The following DIP2C variants were observed in gnomAD, a reference collection of about 807,000 sequenced individuals.
DIP2C encodes the protein disco-interacting protein 2 homolog C.
DIP2C carries 33 observed loss-of-function variants against 192.4 expected under a neutral mutation model. The observed-to-expected ratio is 0.17, with a 90% CI of 0.13 to 0.23. DIP2C has a LOEUF of 0.23. DIP2C is among the 10% of genes least tolerant of loss of function. The pLI is 1.00. For missense variants in DIP2C, 1,537 were observed against 2,110.1 expected (o/e 0.73, Z 5.32); for synonymous variants, 979 against 864.1 (o/e 1.13, Z -2.33).
chr10:671,759 G>A (rs1331323729), intron 1 of DIP2C, among the ~76,000 whole-genome samples: 1 of 94,556 alleles, frequency 1.1e-5, no homozygotes, highest in Non-Finnish European at 2.0e-5. Context: ...ACAGACGCAC[G>A]GACGGAGGAA....
At position 536,676 on chromosome 10, in the gene DIP2C, G is replaced by A. The variant is rs567725685; in HGVS notation, c.86-50146C>T. On this transcript the variant is annotated intron_variant, in intron 1 of 36. Coordinates refer to ENST00000280886, the MANE Select transcript of DIP2C (RefSeq NM_014974.3). ...TGGGACTGACTCCCAGTGCTCTGTG[G>A]AGGGGGGGCCATCCTGAGAGGTGCT... 5.3e-3 allele frequency among the ~76,000 whole-genome samples: 802 copies of A among 152,340 alleles called. 8 individuals are homozygous for A. Among genetic ancestry groups the A allele is most frequent in the African/African-American group, 0.018 (751 of 41,578 alleles).
intron 4 of DIP2C, chr10:430,159 T>C (rs996837231): frequency 1.3e-5 from 2 of 152,256 alleles, no homozygotes; most frequent in African/African-American, 4.8e-5. Context: ...CGTCATTTCA[T>C]ATGTCGATTT....
At chr10:550,363 C>T (rs1848521284) in intron 1 of DIP2C, among the ~76,000 whole-genome samples, 1 of 152,154 alleles carries the variant, frequency 6.6e-6, no homozygotes, top group African/African-American at 2.4e-5. Context: ...GTATCAGTTT[C>T]TCATTTGCAC....
intron 2 of DIP2C, among the ~76,000 whole-genome samples, chr10:482,632 A>G (rs886109785): frequency 6.6e-6 from 1 of 152,214 alleles, no homozygotes; most frequent in African/African-American, 2.4e-5. Flanking sequence ...AGACAAACAC[A>G]TAAGAAGTTG....
intron 24 of DIP2C, among the ~76,000 whole-genome samples, chr10:350,216 G>A (rs1025218160): frequency 6.6e-6 from 1 of 151,926 alleles, no homozygotes; most frequent in Non-Finnish European, 1.5e-5. Context: ...CAAGTAGCTG[G>A]GACTACAGGT....
chr10:579,312 C>T (rs550101652), intron 1 of DIP2C, among the ~76,000 whole-genome samples: 5 of 151,822 alleles, frequency 3.3e-5, no homozygotes, highest in South Asian at 2.1e-4. Flanking sequence ...CACATAGGTA[C>T]ACTATAATAC....
At chr10:287,129 G>T (rs1955185622) in intron 33 of DIP2C, among the ~76,000 whole-genome samples, 1 of 151,636 alleles carries the variant, frequency 6.6e-6, no homozygotes, top group Non-Finnish European at 1.5e-5. Flanking sequence ...TTGAGACAGG[G>T]TCTAGTTCTG....
At chr10:458,891 A>G (rs2133369740) in intron 3 of DIP2C, among the ~76,000 whole-genome samples, 1 of 152,228 alleles carries the variant, frequency 6.6e-6, no homozygotes, top group Non-Finnish European at 1.5e-5. Context: ...ACTAGAACAC[A>G]AGTCTATTTC....
At chr10:601,368 T>C (rs79256369) in intron 1 of DIP2C, among the ~76,000 whole-genome samples, 3 of 143,934 alleles carry the variant, frequency 2.1e-5, no homozygotes, top group East Asian at 4.1e-4. Flanking sequence ...GATGTCCAAA[T>C]GCATATGTCA....
intron 5 of DIP2C, among the ~76,000 whole-genome samples, chr10:421,661 T>C (rs772680730): frequency 2.6e-5 from 4 of 152,330 alleles, no homozygotes. Flanking sequence ...TGCATTTGAG[T>C]ATTACTTTAC....
At chr10:438,424 C>T (rs1434127904) in intron 4 of DIP2C, among the ~76,000 whole-genome samples, 7 of 152,142 alleles carry the variant, frequency 4.6e-5, no homozygotes, top group Non-Finnish European at 1.0e-4. Flanking sequence ...ACAAAGAACA[C>T]ATACAAATAA....
chr10:499,484 G>A (rs997764626), intron 1 of DIP2C, among the ~76,000 whole-genome samples: 5 of 152,236 alleles, frequency 3.3e-5, no homozygotes, highest in Non-Finnish European at 7.3e-5. Context: ...AGAAGGCGAA[G>A]GGGAAGCAAA....
chr10:329,875 T>C (rs1329248992), intron 29 of DIP2C, among the ~76,000 whole-genome samples: 2 of 152,206 alleles, frequency 1.3e-5, no homozygotes, highest in African/African-American at 4.8e-5. Context: ...GATGCTGTGA[T>C]GTCTCTCAGA....
At chr10:434,576 G>A (rs1404101664) in intron 4 of DIP2C, among the ~76,000 whole-genome samples, 1 of 152,186 alleles carries the variant, frequency 6.6e-6, no homozygotes, top group African/African-American at 2.4e-5. Context: ...CACAGACTCT[G>A]CTCTTCCTTT....
rs539708856 is a variant in DIP2C at position 297,202 on chromosome 10, C to G, written c.3987-8781G>C. On this transcript the variant is annotated intron_variant, in intron 32 of 36. Coordinates refer to ENST00000280886, the MANE Select transcript of DIP2C (RefSeq NM_014974.3). ...GAGTGAGACTGTCTCAAAAACAAAA[C>G]AAAACAAAACAAAACCAACCCCCCC... Among the ~76,000 whole-genome samples, 4 of 147,700 alleles carry G rather than the reference C, an allele frequency of 2.7e-5. No individual in the cohort carries two copies. In the South Asian group the frequency reaches 6.6e-4, roughly 24 times the overall value.
intron 1 of DIP2C, among the ~76,000 whole-genome samples, chr10:547,207 C>T (rs1848331023): frequency 6.6e-6 from 1 of 152,198 alleles, no homozygotes; most frequent in Admixed American, 6.5e-5. Flanking sequence ...ACACAATAAA[C>T]CCAGGGAGCT....
chr10:611,432 G>A (rs188576592), intron 1 of DIP2C, among the ~76,000 whole-genome samples: 4 of 152,274 alleles, frequency 2.6e-5, no homozygotes, highest in African/African-American at 9.6e-5. Context: ...TCAAGGTCCC[G>A]CACTCTAGCT....
intron 4 of DIP2C, among the ~76,000 whole-genome samples, chr10:430,938 A>T (rs1298886458): frequency 6.6e-6 from 1 of 152,196 alleles, no homozygotes; most frequent in Non-Finnish European, 1.5e-5. Context: ...TTGCATATGG[A>T]TGTCCAGTTG....
At chr10:482,483 GCA>G (rs1305265206) in intron 2 of DIP2C, among the ~76,000 whole-genome samples, 1 of 152,144 alleles carries the variant, frequency 6.6e-6, no homozygotes, top group African/African-American at 2.4e-5. Flanking sequence ...AGGCTGTGCC[GCA>G]CAGACAAACC....
Sources: allele counts gnomAD v4.1 joint callset (sites outside exome capture counted in the v4.1 genomes callset), GRCh38; gene constraint gnomAD v4.1.1; transcripts MANE v1.5; gene names NCBI Gene and HGNC (gene_info 2026-07-23, HGNC 2026-07-21).